The following NEGR1 variants were observed in gnomAD, a reference collection of about 807,000 sequenced individuals.
NEGR1 encodes the protein neuronal growth regulator 1, also known as IgLON family member 4.
NEGR1 carries 10 observed loss-of-function variants against 40.9 expected under a neutral mutation model. The ratio of observed to expected loss-of-function variants is 0.24; its 90% confidence interval spans 0.15 to 0.42. The LOEUF is 0.42. Among genes scored for constraint, NEGR1 ranks in the 10% least tolerant of loss-of-function variants. The pLI, the probability that NEGR1 is intolerant of heterozygous loss-of-function variation, is 1.00. For synonymous variants in NEGR1, 185 were observed against 166.8 expected, an observed-to-expected ratio of 1.11 and a Z score of -0.84; for missense variants, 352 against 438.9, an observed-to-expected ratio of 0.80 and a Z score of 1.77.
At chr1:72,186,486 A>G (rs1053597329) in intron 1 of NEGR1, among the ~76,000 whole-genome samples, 1 of 151,610 alleles carries the variant, frequency 6.6e-6, no homozygotes, top group African/African-American at 2.4e-5. Context: ...CCCAGGAGAA[A>G]AGAGGACTGG....
rs1250017531 is a variant in NEGR1 at position 72,171,616 on chromosome 1, T to C, written c.176+110703A>G. Among the ~76,000 whole-genome samples, 8 of 152,306 alleles carry C rather than the reference T, an allele frequency of 5.3e-5. No individual in the cohort carries two copies. The East Asian group carries it at 1.3e-3, about 26-fold the overall frequency. On this transcript the variant is annotated intron_variant, in intron 1 of 6. Transcript: ENST00000357731. Reference sequence around the variant, plus strand: ...AATGCTTTGTCTTTTTTGCCATAAATAGTATATTGTCAAAATTTACTCGAT... The same window carrying C: ...AATGCTTTGTCTTTTTTGCCATAAACAGTATATTGTCAAAATTTACTCGAT...
intron 6 of NEGR1, among the ~76,000 whole-genome samples, chr1:71,554,910 C>T (rs1648206485): frequency 6.6e-6 from 1 of 151,498 alleles, no homozygotes; most frequent in African/African-American, 2.4e-5. Flanking sequence ...GAACCTTTAA[C>T]TCAAGATCAG....
At chr1:71,787,453 G>A (rs1463785664) in intron 2 of NEGR1, among the ~76,000 whole-genome samples, 1 of 152,140 alleles carries the variant, frequency 6.6e-6, no homozygotes, top group East Asian at 1.9e-4. Flanking sequence ...TGTGATTGAT[G>A]GGGCCAGGTA....
chr1:71,397,909 G>A lies in NEGR1; in HGVS notation c.*9537C>T, dbSNP rs1646222421. 1 of 152,254 alleles carries A rather than the reference G, an allele frequency of 6.6e-6. No individual in the cohort carries two copies. The highest frequency in any genetic ancestry group is 6.5e-5 in the Admixed American group (1 of 15,276). The allele number at this position is 152,254 out of a possible 1,614,324, so 9.4% of individuals were successfully genotyped here. A position where few individuals can be genotyped will look rare whatever the true frequency, so the allele number is the denominator to read the frequency against. On this transcript the variant is annotated 3_prime_UTR_variant, in exon 7 of 7. Coordinates refer to ENST00000357731, the MANE Select transcript of NEGR1 (RefSeq NM_173808.3). ...GGGTCCCTCTGCTATGTGCAGTCTAGGAACTTGGTGCTCTGCCTCCCAGTT... is the reference window on the plus strand; with the variant it reads ...GGGTCCCTCTGCTATGTGCAGTCTAAGAACTTGGTGCTCTGCCTCCCAGTT...
chr1:71,674,156 T>C (rs76979149), intron 4 of NEGR1, among the ~76,000 whole-genome samples: 2,015 of 152,260 alleles, frequency 0.013, 15 homozygotes, highest in Non-Finnish European at 0.021. Flanking sequence ...GTGACCTAGA[T>C]ATATTCTTCC....
In NEGR1 at chr1:71,397,164, AT is replaced by A. The variant is rs955352822; in HGVS notation, c.*10281del. ...AACTGGAGCAAAGGTGACTCTTGTT[AT>A]GTTTTAGCAAAGAGATGGGTAGCAT... is the stretch of plus-strand genomic sequence containing the variant. On this transcript the variant is annotated 3_prime_UTR_variant, in exon 7 of 7. Transcript: ENST00000357731. 4 of 152,962 alleles carry A rather than the reference AT, an allele frequency of 2.6e-5. No individual in the cohort carries two copies. The highest frequency in any genetic ancestry group is 5.8e-5 in the Non-Finnish European group (4 of 68,674). 9.5% of individuals were successfully genotyped at this position (152,962 alleles called of 1,614,324 possible). A position where few individuals can be genotyped will look rare whatever the true frequency, so the allele number is the denominator to read the frequency against.
chr1:71,630,532 G>A (rs964140029), intron 4 of NEGR1, among the ~76,000 whole-genome samples: 3 of 151,872 alleles, frequency 2.0e-5, no homozygotes, highest in Non-Finnish European at 2.9e-5. Flanking sequence ...AATGTGTTCT[G>A]CTGTGTGCCC....
At chr1:71,412,588 G>T (rs1305869328) in intron 6 of NEGR1, among the ~76,000 whole-genome samples, 1 of 152,146 alleles carries the variant, frequency 6.6e-6, no homozygotes, top group Non-Finnish European at 1.5e-5. Context: ...AAATATGCAT[G>T]TGTCAAATTC....
intron 1 of NEGR1, among the ~76,000 whole-genome samples, chr1:72,137,488 C>T (rs1165619905): frequency 6.7e-6 from 1 of 149,720 alleles, no homozygotes; most frequent in Non-Finnish European, 1.5e-5. Context: ...AGCAAAGTAA[C>T]ACAAGAAGAG....
intron 2 of NEGR1, among the ~76,000 whole-genome samples, chr1:71,931,226 C>T (rs1645852808): frequency 6.6e-6 from 1 of 152,200 alleles, no homozygotes; most frequent in Admixed American, 6.6e-5. Context: ...TCCTCCTACT[C>T]TGACCAGAGA....
intron 4 of NEGR1, among the ~76,000 whole-genome samples, chr1:71,635,931 TATC>T (rs1452374862): frequency 6.6e-6 from 1 of 152,060 alleles, no homozygotes; most frequent in African/African-American, 2.4e-5. Flanking sequence ...CTGGGATAAC[TATC>T]ATTTTATAAA....
chr1:71,587,921 C>T (rs897491011), intron 6 of NEGR1, among the ~76,000 whole-genome samples: 32 of 152,086 alleles, frequency 2.1e-4, no homozygotes, highest in African/African-American at 6.0e-4. Flanking sequence ...TAAACTAAGG[C>T]TGTGTAAATT....
rs537977045 is a variant in NEGR1 at position 71,723,490 on chromosome 1, A to G, written c.536-25351T>C. ...TCATGAATGGTTAATGATTTAATCA[A>G]TCATGCCTGTGTAATAAAACATTCA... is the stretch of plus-strand genomic sequence containing the variant. On this transcript the variant is annotated intron_variant, in intron 3 of 6. Transcript: ENST00000357731. Among the ~76,000 whole-genome samples the G allele has an allele frequency of 5.7e-4, 87 of 152,200 alleles. No individual in the cohort carries two copies. In the Middle Eastern group the frequency reaches 0.02, roughly 36 times the overall value.
At chr1:72,032,456 A>T (rs897575081) in intron 1 of NEGR1, among the ~76,000 whole-genome samples, 7 of 152,206 alleles carry the variant, frequency 4.6e-5, no homozygotes, top group African/African-American at 1.7e-4. Flanking sequence ...CTAGAGTTAA[A>T]GGACTTCACG....
At chr1:72,252,893 T>C (rs961207221) in intron 1 of NEGR1, among the ~76,000 whole-genome samples, 4 of 152,206 alleles carry the variant, frequency 2.6e-5, no homozygotes, top group African/African-American at 9.6e-5. Context: ...TTTTCGAAGT[T>C]TAGAAAGCAA....
intron 2 of NEGR1, among the ~76,000 whole-genome samples, chr1:71,808,107 T>A (rs1343752579): frequency 6.6e-6 from 1 of 152,140 alleles, no homozygotes; most frequent in South Asian, 2.1e-4. Context: ...ATCATACAAC[T>A]TTTTGCAAGA....
At chr1:71,595,422 C>T (rs1372741096) in intron 5 of NEGR1, among the ~76,000 whole-genome samples, 6 of 151,922 alleles carry the variant, frequency 3.9e-5, no homozygotes, top group Admixed American at 1.3e-4. Flanking sequence ...ACGTAAGAAC[C>T]TATCTTCATC....
At chr1:71,940,025 A>C (rs1400136451) in intron 1 of NEGR1, among the ~76,000 whole-genome samples, 1 of 152,170 alleles carries the variant, frequency 6.6e-6, no homozygotes, top group Non-Finnish European at 1.5e-5. Context: ...GGCAGCAGCA[A>C]GTCAGGGGGA....
At chr1:71,643,318 T>C (rs1418329227) in intron 4 of NEGR1, among the ~76,000 whole-genome samples, 2 of 151,948 alleles carry the variant, frequency 1.3e-5, no homozygotes, top group Non-Finnish European at 1.5e-5. Context: ...TCAGCCAACA[T>C]CTTCTCAGTG....
Sources: allele counts gnomAD v4.1 joint callset (sites outside exome capture counted in the v4.1 genomes callset), GRCh38; gene constraint gnomAD v4.1.1; transcripts MANE v1.5; gene names NCBI Gene and HGNC (gene_info 2026-07-23, HGNC 2026-07-21).